EPB41L5: variants seen among roughly 807,000 people sequenced by gnomAD.
The protein encoded by EPB41L5 is band 4.1-like protein 5.
Under a neutral mutation model 106.6 loss-of-function variants are expected in EPB41L5, and 55 were observed. The ratio of observed to expected loss-of-function variants is 0.52; its 90% confidence interval spans 0.42 to 0.65. The LOEUF is 0.65. Ranked by LOEUF, EPB41L5 falls within the 30% of genes least tolerant of loss-of-function variation. The pLI is 0.00. For synonymous variants in EPB41L5, 297 were observed against 306.7 expected (o/e 0.97, Z 0.33); for missense variants, 871 against 882.1 (o/e 0.99, Z 0.16).
chr2:120,077,374 CTG>C (rs879219084), intron 9 of EPB41L5, 58 bp downstream of exon 9: 31 of 1,484,130 alleles, frequency 2.1e-5, no homozygotes, highest in Middle Eastern at 3.5e-4. Context: ...TTCGCAGTGA[CTG>C]TGGAATTTTT....
intron 16 of EPB41L5, chr2:120,105,268 GTTTTC>G (rs1684383046): frequency 1.0e-6 from 1 of 977,696 alleles, no homozygotes; most frequent in Non-Finnish European, 1.2e-6. Context: ...TCTTTTTTTA[GTTTTC>G]TTTTATATTT....
intron 16 of EPB41L5, chr2:120,104,497 C>T: frequency 8.8e-7 from 1 of 1,134,888 alleles, no homozygotes; most frequent in Non-Finnish European, 1.1e-6. Context: ...GAAGAGTTTT[C>T]AGACCTTAGT....
intron 16 of EPB41L5, among the ~76,000 whole-genome samples, chr2:120,110,274 G>A (rs977347238): frequency 2.0e-5 from 3 of 152,054 alleles, no homozygotes; most frequent in African/African-American, 4.8e-5. Context: ...CTTCTAACAC[G>A]CCATTGTCTT....
chr2:120,123,012 G>A (rs1048506535), intron 16 of EPB41L5, among the ~76,000 whole-genome samples: 4 of 152,174 alleles, frequency 2.6e-5, no homozygotes, highest in African/African-American at 9.7e-5. Context: ...ATTGATTTTT[G>A]TATCCTGAGA....
chr2:120,164,703 G>T, intron 21 of EPB41L5, 133 bp from the exon 22 acceptor site: 1 of 560,192 alleles, frequency 1.8e-6, no homozygotes. Flanking sequence ...TGATTTATGA[G>T]TGTCCCTGTG....
intron 16 of EPB41L5, among the ~76,000 whole-genome samples, chr2:120,124,170 G>A (rs1218890962): frequency 6.6e-6 from 1 of 152,096 alleles, no homozygotes; most frequent in African/African-American, 2.4e-5. Context: ...CCCCAACACA[G>A]GCAATATACT....
intron 3 of EPB41L5, among the ~76,000 whole-genome samples, chr2:120,065,789 TGCAGGTGTGA>T (rs2105296506): frequency 6.6e-6 from 1 of 152,336 alleles, no homozygotes; most frequent in South Asian, 2.1e-4. Flanking sequence ...GTGCTGGGAT[TGCAGGTGTGA>T]GCCACCTTAC....
intron 3 of EPB41L5, among the ~76,000 whole-genome samples, chr2:120,058,471 C>A (rs2105272671): frequency 6.6e-6 from 1 of 152,318 alleles, no homozygotes; most frequent in African/African-American, 2.4e-5. Context: ...CCACTGTGCC[C>A]AGCCCTTTTC....
intron 3 of EPB41L5, among the ~76,000 whole-genome samples, chr2:120,061,031 GTTTTT>G (rs375754153): frequency 8.7e-5 from 6 of 69,124 alleles, no homozygotes; most frequent in East Asian, 5.1e-4. Flanking sequence ...GTTCAGGGAA[GTTTTT>G]TTTTTTTTTT....
At chr2:120,120,646 A>G (rs1024485590) in intron 16 of EPB41L5, among the ~76,000 whole-genome samples, 1 of 151,896 alleles carries the variant, frequency 6.6e-6, no homozygotes, top group African/African-American at 2.4e-5. Context: ...AAAGAAACAG[A>G]CCATCTAGGC....
chr2:120,175,112 G>A lies in EPB41L5; in HGVS notation c.*205G>A. Reference sequence around the variant, plus strand: ...ACACTGCATAGCTGCCCAAAAGAGAGTGTTTGGTCTTGAACTTTCTATACT... The same window carrying A: ...ACACTGCATAGCTGCCCAAAAGAGAATGTTTGGTCTTGAACTTTCTATACT... On this transcript the variant is annotated 3_prime_UTR_variant, in exon 25 of 25. Coordinates refer to ENST00000263713, the MANE Select transcript of EPB41L5 (RefSeq NM_020909.4). 3.5e-6 allele frequency: 2 copies of A among 569,652 alleles called. No homozygotes were observed. Among genetic ancestry groups the A allele is most frequent in the Non-Finnish European group, 6.4e-6 (2 of 314,790 alleles). 35.3% of individuals were successfully genotyped at this position (569,652 alleles called of 1,614,324 possible).
chr2:120,038,175 A>G (rs1679161950), intron 2 of EPB41L5, among the ~76,000 whole-genome samples: 1 of 152,206 alleles, frequency 6.6e-6, no homozygotes. Context: ...CCTACAACTC[A>G]GCAACAACAA....
intron 2 of EPB41L5, among the ~76,000 whole-genome samples, chr2:120,032,149 G>T (rs1678754212): frequency 6.6e-6 from 1 of 152,150 alleles, no homozygotes; most frequent in African/African-American, 2.4e-5. Flanking sequence ...TTGGGAGGCT[G>T]AGGTGGGCGT....
chr2:120,047,456 T>A (rs1421815266), intron 3 of EPB41L5, among the ~76,000 whole-genome samples: 1 of 152,012 alleles, frequency 6.6e-6, no homozygotes, highest in East Asian at 1.9e-4. Context: ...GATTTGGCTC[T>A]CTGTTTGTCT....
At position 120,164,881 on chromosome 2, in the gene EPB41L5, A is replaced by C. The variant is rs1687319943; in HGVS notation, c.1933A>C (p.Asn645His). The change falls in exon 22 of 25, where the codon AAT (asparagine) becomes CAT (histidine). Residue 645 changes from asparagine to histidine, a missense_variant. Transcript: ENST00000263713. ...TGCCTTGCTTGCATCTCTAACTGAG[A>C]ATCTAATTGATCACACAGTTGCACC... is the stretch of plus-strand genomic sequence containing the variant. Reference protein sequence around the residue: ...LDALLASLTENLIDHTVAPQV... With the variant: ...LDALLASLTEHLIDHTVAPQV... 3 of 1,611,324 alleles carry C rather than the reference A, an allele frequency of 1.9e-6. No homozygotes were observed. The highest frequency in any genetic ancestry group is 2.5e-6 in the Non-Finnish European group (3 of 1,178,764).
chr2:120,155,245 T>G (rs1427303126), intron 20 of EPB41L5, among the ~76,000 whole-genome samples: 1 of 152,214 alleles, frequency 6.6e-6, no homozygotes, highest in Non-Finnish European at 1.5e-5. Context: ...AATTTCGCCT[T>G]CATTCTTGAA....
At chr2:120,015,094 C>T (rs1337182771) in intron 1 of EPB41L5, among the ~76,000 whole-genome samples, 2 of 150,286 alleles carry the variant, frequency 1.3e-5, no homozygotes, top group African/African-American at 4.9e-5. Context: ...GAGGCCGAGG[C>T]GGGCGGATCA....
At position 120,155,285 on chromosome 2, in the gene EPB41L5, G is replaced by C. The variant is rs1251432790; in HGVS notation, c.1794-5596G>C. ...AGTTTTGTTGAATATAGAATTCTTAGTTGACAGGGTACTTTCTTTCAGTGC... is the reference window on the plus strand; with the variant it reads ...AGTTTTGTTGAATATAGAATTCTTACTTGACAGGGTACTTTCTTTCAGTGC... On this transcript the variant is annotated intron_variant, in intron 20 of 24. Coordinates refer to ENST00000263713, the MANE Select transcript of EPB41L5 (RefSeq NM_020909.4). Among the ~76,000 whole-genome samples, 4 of 152,286 alleles carry C rather than the reference G, an allele frequency of 2.6e-5. No homozygotes were observed. In the East Asian group the frequency reaches 7.7e-4, roughly 29 times the overall value.
intron 12 of EPB41L5, among the ~76,000 whole-genome samples, chr2:120,090,944 A>C (rs1683366928): frequency 6.6e-6 from 1 of 152,108 alleles, no homozygotes; most frequent in Non-Finnish European, 1.5e-5. Context: ...ATGAGTTAGA[A>C]ATGTTTTGGT....
Sources: allele counts gnomAD v4.1 joint callset (sites outside exome capture counted in the v4.1 genomes callset), GRCh38; gene constraint gnomAD v4.1.1; transcripts MANE v1.5; gene names NCBI Gene and HGNC (gene_info 2026-07-23, HGNC 2026-07-21).